PNLIP: variants seen among roughly 807,000 people sequenced by gnomAD.
The protein encoded by PNLIP is pancreatic triacylglycerol lipase.
A neutral mutation model predicts 57.1 loss-of-function variants in PNLIP; 49 were observed. That is an observed-to-expected ratio of 0.86 (90% CI 0.68 to 1.09). PNLIP has a LOEUF of 1.09. PNLIP is among the 50% of genes least tolerant of loss of function. PNLIP has a pLI of 0.00. For synonymous variants in PNLIP, 209 were observed against 200.4 expected (o/e 1.04, Z -0.36); for missense variants, 503 against 570.2 (o/e 0.88, Z 1.20).
intron 2 of PNLIP, 102 bp from the exon 3 acceptor site, chr10:116,547,192 G>A (rs766888526): frequency 2.8e-5 from 30 of 1,088,100 alleles, no homozygotes; most frequent in Non-Finnish European, 3.8e-5. Context: ...GAGTAGCAGA[G>A]GAGGAAAGTC....
intron 3 of PNLIP, 80 bp from the exon 4 acceptor site, chr10:116,548,280 C>A: frequency 7.2e-7 from 1 of 1,386,588 alleles, no homozygotes; most frequent in Non-Finnish European, 1.0e-6. Flanking sequence ...CAGTCTTCTA[C>A]TTACTGCCCC....
intron 4 of PNLIP, among the ~76,000 whole-genome samples, chr10:116,550,374 T>TG (rs1245283182): frequency 2.0e-5 from 3 of 150,456 alleles, no homozygotes; most frequent in African/African-American, 7.3e-5. Context: ...AAATTCTTTT[T>TG]GAAAAAAAAA....
At chr10:116,550,999 TG>T in intron 4 of PNLIP, 98 bp from the exon 5 acceptor site, 2 of 947,674 alleles carry the variant, frequency 2.1e-6, no homozygotes, top group Non-Finnish European at 3.0e-6. Flanking sequence ...TGACATTGTG[TG>T]GGTCAAGGAG....
chr10:116,548,800 T>A (rs924384176), intron 4 of PNLIP, among the ~76,000 whole-genome samples: 20 of 152,202 alleles, frequency 1.3e-4, no homozygotes, highest in Admixed American at 1.3e-3. Context: ...TAGGCCCCTG[T>A]TTTTTCATTA....
At chr10:116,564,048 A>G (rs140476099) in intron 12 of PNLIP, among the ~76,000 whole-genome samples, 1 of 152,288 alleles carries the variant, frequency 6.6e-6, no homozygotes, top group East Asian at 1.9e-4. Context: ...AACATGGTGA[A>G]AACTATAAAC....
At position 116,561,142 on chromosome 10, in the gene PNLIP, G is replaced by A. The variant is rs375604255; in HGVS notation, c.1170-330G>A. ...TAATTAGTCTGCCCACAAAACACAT[G>A]TGAAAAGATGATGGCATACTCTCAT... On this transcript the variant is annotated intron_variant, in intron 11 of 12. Coordinates refer to ENST00000369221, the MANE Select transcript of PNLIP (RefSeq NM_000936.4). Among the ~76,000 whole-genome samples the A allele has an allele frequency of 9.7e-4, 147 of 152,284 alleles. 1 individual carries two copies. Among genetic ancestry groups the A allele is most frequent in the African/African-American group, 3.2e-3 (133 of 41,562 alleles).
rs946280971 is a variant in PNLIP at position 116,545,934 on chromosome 10, T to G, written c.-25T>G. The stretch of plus-strand genomic sequence containing the variant: ...GAGTTTTTGTTGCTATCTGGTTGCG[T>G]GTGGAACCTGACGGAACTGCCACGG... On this transcript the variant is annotated 5_prime_UTR_variant, in exon 1 of 13. Transcript: ENST00000369221. 7 of 599,714 alleles carry G rather than the reference T, an allele frequency of 1.2e-5. No homozygotes were observed. Among genetic ancestry groups the G allele is most frequent in the Non-Finnish European group, 2.1e-5 (7 of 332,170 alleles). 37.1% of individuals were successfully genotyped at this position (599,714 alleles called of 1,614,324 possible).
chr10:116,546,305 A>T (rs768750447), intron 2 of PNLIP, among the ~76,000 whole-genome samples, 167 bp downstream of exon 2: 5 of 152,214 alleles, frequency 3.3e-5, no homozygotes, highest in Non-Finnish European at 5.9e-5. Flanking sequence ...GGTTGTCAGA[A>T]AACATCTAAG....
chr10:116,547,725 C>CAAAAAA (rs569977938), intron 3 of PNLIP, among the ~76,000 whole-genome samples: 87 of 46,412 alleles, frequency 1.9e-3, no homozygotes, highest in South Asian at 3.6e-3. Flanking sequence ...GACTCCATCT[C>CAAAAAA]AAAAAAAAAA....
At chr10:116,549,537 C>T (rs1334772199) in intron 4 of PNLIP, among the ~76,000 whole-genome samples, 3 of 152,036 alleles carry the variant, frequency 2.0e-5, no homozygotes, top group African/African-American at 7.2e-5. Context: ...TTCAGGTCTG[C>T]CTCTGGCTCA....
intron 9 of PNLIP, among the ~76,000 whole-genome samples, chr10:116,556,636 C>A (rs1847256533): frequency 6.6e-6 from 1 of 151,652 alleles, no homozygotes. Flanking sequence ...GCAGAACGTG[C>A]AGGTTTGTTA....
chr10:116,548,465 C>A lies in PNLIP; in HGVS notation c.307C>A (p.Leu103Met). The change falls in exon 4 of 13, where the codon CTG (leucine) becomes ATG (methionine). Residue 103 changes from leucine to methionine, a missense_variant. Coordinates refer to ENST00000369221, the MANE Select transcript of PNLIP (RefSeq NM_000936.4). ...GFIDKGEENW[L>M]ANVCKNLFKV... ...CATAGACAAGGGAGAAGAAAACTGG[C>A]TGGCCAATGTGTGCAAGGTGAGATG... The A allele has an allele frequency of 6.2e-7, 1 of 1,613,876 alleles. No homozygotes were observed. Among genetic ancestry groups the A allele is most frequent in the Non-Finnish European group, 8.5e-7 (1 of 1,179,836 alleles).
intron 5 of PNLIP, 57 bp downstream of exon 5, chr10:116,551,289 C>CA: frequency 9.4e-6 from 5 of 529,468 alleles, no homozygotes; most frequent in Non-Finnish European, 1.2e-5. Flanking sequence ...GATTATCTTT[C>CA]CAAAAAAAAA....
rs78899751 is a variant in PNLIP, at chr10:116,560,571, G to A, written c.1169+47G>A. On this transcript the variant is annotated intron_variant, in intron 11 of 12. Coordinates refer to ENST00000369221, the MANE Select transcript of PNLIP (RefSeq NM_000936.4). ...TATGCTTTTTTTTTTTTTTTTTTTTGAGTCGGAGTCTCGCTGTGTCGCCGG... is the reference window on the plus strand; with the variant it reads ...TATGCTTTTTTTTTTTTTTTTTTTTAAGTCGGAGTCTCGCTGTGTCGCCGG... 12 of 367,040 alleles carry A rather than the reference G, an allele frequency of 3.3e-5. No individual in the cohort carries two copies. The Admixed American group carries it at 4.9e-4, about 15-fold the overall frequency. The allele number at this position is 367,040 out of a possible 1,614,324, so 22.7% of individuals were successfully genotyped here.
intron 12 of PNLIP, among the ~76,000 whole-genome samples, chr10:116,567,232 T>G (rs1393209964): frequency 9.9e-5 from 15 of 151,992 alleles, no homozygotes; most frequent in Non-Finnish European, 2.2e-4. Flanking sequence ...TCTTTCTTCT[T>G]TCTTTATTCC....
intron 5 of PNLIP, among the ~76,000 whole-genome samples, chr10:116,553,220 C>G (rs1270611518): frequency 6.6e-6 from 1 of 152,212 alleles, no homozygotes; most frequent in Non-Finnish European, 1.5e-5. Flanking sequence ...ATTCTCCCAC[C>G]TTAGCCTCCC....
chr10:116,546,283 TA>T lies in PNLIP; in HGVS notation c.46+146del, dbSNP rs1380649087. On this transcript the variant is annotated intron_variant, in intron 2 of 12. Transcript: ENST00000369221. ...CACAGGAGACGCATAAGAGCACAGG[TA>T]CATGGAGTAGGGTTGTCAGAAAACA... is the stretch of plus-strand genomic sequence containing the variant. 4.4e-6 allele frequency: 3 copies of T among 680,872 alleles called. No homozygotes were observed. In the African/African-American group the frequency reaches 5.3e-5, roughly 12 times the overall value. 42.2% of individuals were successfully genotyped at this position (680,872 alleles called of 1,614,324 possible).
At chr10:116,548,538 C>CG (rs1847155625) in intron 4 of PNLIP, 56 bp downstream of exon 4, 1 of 1,580,712 alleles carries the variant, frequency 6.3e-7, no homozygotes, top group African/African-American at 1.4e-5. Context: ...AATTAACAAA[C>CG]GGTAAGGCAC....
chr10:116,565,436 T>C (rs1847356504), intron 12 of PNLIP, among the ~76,000 whole-genome samples: 1 of 151,602 alleles, frequency 6.6e-6, no homozygotes. Context: ...CAATATCCAA[T>C]TGTATTCTGG....
Sources: allele counts gnomAD v4.1 joint callset (sites outside exome capture counted in the v4.1 genomes callset), GRCh38; gene constraint gnomAD v4.1.1; transcripts MANE v1.5; gene names NCBI Gene and HGNC (gene_info 2026-07-23, HGNC 2026-07-21).